The following SAMMSON variants were observed in gnomAD, a reference collection of about 807,000 sequenced individuals.
The protein encoded by SAMMSON is survival associated mitochondrial melanoma specific oncogenic non-coding RNA.
At chr3:70,324,246 C>G (rs1702562121) in intron 7 of SAMMSON, among the ~76,000 whole-genome samples, 1 of 151,858 alleles carries the variant, frequency 6.6e-6, no homozygotes, top group Admixed American at 6.6e-5. Context: ...AGAGAGATCT[C>G]CCAGTGGTTG....
At chr3:70,162,214 A>G (rs1433147698) in intron 4 of SAMMSON, among the ~76,000 whole-genome samples, 1 of 151,776 alleles carries the variant, frequency 6.6e-6, no homozygotes, top group Non-Finnish European at 1.5e-5. Flanking sequence ...CAAGGATCTT[A>G]AGATGTAAGA....
Position 70,125,048 on chromosome 3 carries a change from G to T in SAMMSON, n.507+53483G>T, listed in dbSNP as rs2067450826. ...CCCTTGAAAGATACAGGATTCAAAAGAAACCTTTATTAATTTTTAACACTT... is the reference window on the plus strand; with the variant it reads ...CCCTTGAAAGATACAGGATTCAAAATAAACCTTTATTAATTTTTAACACTT... On this transcript the variant is annotated intron_variant and non_coding_transcript_variant, in intron 4 of 9. Transcript: ENST00000642114. The T allele has an allele frequency of 1.0e-5, 8 of 786,278 alleles. No individual in the cohort carries two copies. In the Admixed American group the frequency reaches 1.5e-4, roughly 14 times the overall value. The allele number at this position is 786,278 out of a possible 1,614,324, so 48.7% of individuals were successfully genotyped here. A position where few individuals can be genotyped will look rare whatever the true frequency, so the allele number is the denominator to read the frequency against.
chr3:70,165,984 C>T lies in SAMMSON; in HGVS notation n.508-83123C>T, dbSNP rs144357875. Among the ~76,000 whole-genome samples the T allele has an allele frequency of 8.2e-4, 124 of 152,108 alleles. 1 individual carries two copies. In the East Asian group the frequency reaches 0.011, roughly 14 times the overall value. ...AATTTAGACAGGACATTTAATTCCT[C>T]TGAGCCTCACTTTCCTCATCTGTAA... On this transcript the variant is annotated intron_variant and non_coding_transcript_variant, in intron 4 of 9. Transcript: ENST00000642114.
chr3:70,131,001 G>A (rs1046439474), intron 4 of SAMMSON, among the ~76,000 whole-genome samples: 1 of 152,166 alleles, frequency 6.6e-6, no homozygotes, highest in Non-Finnish European at 1.5e-5. Context: ...ACTCTGGTCA[G>A]TTAAGAATAA....
intron 4 of SAMMSON, among the ~76,000 whole-genome samples, chr3:70,233,502 C>G (rs1701580444): frequency 6.6e-6 from 1 of 152,148 alleles, no homozygotes; most frequent in South Asian, 2.1e-4. Context: ...AGATATATTA[C>G]ATACAATAAT....
intron 7 of SAMMSON, among the ~76,000 whole-genome samples, chr3:70,338,965 C>T (rs898204908): frequency 9.2e-5 from 14 of 152,138 alleles, no homozygotes; most frequent in African/African-American, 1.4e-4. Context: ...GCCAAAAGAA[C>T]AGAGCTGGAG....
chr3:70,141,410 T>C (rs1021734298), intron 4 of SAMMSON, among the ~76,000 whole-genome samples: 12 of 152,154 alleles, frequency 7.9e-5, no homozygotes, highest in Non-Finnish European at 1.3e-4. Flanking sequence ...AGTTGCCTTT[T>C]CCCCAGCTTT....
chr3:70,356,822 T>C (rs1363213880), intron 8 of SAMMSON, among the ~76,000 whole-genome samples: 1 of 152,164 alleles, frequency 6.6e-6, no homozygotes, highest in East Asian at 1.9e-4. Flanking sequence ...TAGCTACCTT[T>C]ATTGATAATC....
intron 4 of SAMMSON, among the ~76,000 whole-genome samples, chr3:70,221,882 C>T (rs1256228265): frequency 2.6e-5 from 4 of 152,138 alleles, no homozygotes. Flanking sequence ...ATTGGAAAAA[C>T]CGCAATTTGT....
At chr3:70,317,103 C>G (rs1056807273) in intron 7 of SAMMSON, among the ~76,000 whole-genome samples, 1 of 151,898 alleles carries the variant, frequency 6.6e-6, no homozygotes, top group Non-Finnish European at 1.5e-5. Flanking sequence ...AGGTTTATAA[C>G]TATATAATTT....
At chr3:70,283,124 C>G (rs1398390924) in intron 6 of SAMMSON, among the ~76,000 whole-genome samples, 2 of 152,120 alleles carry the variant, frequency 1.3e-5, no homozygotes, top group African/African-American at 4.8e-5. Context: ...CAAGAAAATG[C>G]ATTTATCTTG....
chr3:70,153,919 A>G (rs550200295), intron 4 of SAMMSON, among the ~76,000 whole-genome samples: 23 of 151,448 alleles, frequency 1.5e-4, no homozygotes, highest in Admixed American at 1.5e-3. Flanking sequence ...GAATTTGACT[A>G]CTCTAGGTAC....
At chr3:70,045,084 AT>A (rs1285472744) in intron 3 of SAMMSON, among the ~76,000 whole-genome samples, 26 of 78,680 alleles carry the variant, frequency 3.3e-4, no homozygotes, top group South Asian at 7.5e-4. Context: ...ATTAATATAT[AT>A]AATTAATTAT....
intron 4 of SAMMSON, among the ~76,000 whole-genome samples, chr3:70,141,918 A>G (rs2067529241): frequency 6.6e-6 from 1 of 152,166 alleles, no homozygotes; most frequent in Admixed American, 6.6e-5. Flanking sequence ...TAAAAAAGTA[A>G]ACATACAAAA....
chr3:70,408,425 G>T (rs1701193366), intron 2 of SAMMSON, among the ~76,000 whole-genome samples: 1 of 152,098 alleles, frequency 6.6e-6, no homozygotes, highest in Admixed American at 6.5e-5. Context: ...CAGCACCCAA[G>T]CCACCTCTTT....
intron 4 of SAMMSON, among the ~76,000 whole-genome samples, chr3:70,144,376 T>C (rs1331181572): frequency 6.6e-6 from 1 of 152,070 alleles, no homozygotes; most frequent in Non-Finnish European, 1.5e-5. Context: ...TGCTGGTGTG[T>C]ATATACAAGG....
intron 4 of SAMMSON, among the ~76,000 whole-genome samples, chr3:70,200,430 A>G (rs1003252867): frequency 6.6e-6 from 1 of 152,140 alleles, no homozygotes; most frequent in South Asian, 2.1e-4. Context: ...CACACTGACT[A>G]AATTGCAGTA....
At chr3:70,401,173 G>A (rs1403009588) in intron 2 of SAMMSON, among the ~76,000 whole-genome samples, 2 of 151,842 alleles carry the variant, frequency 1.3e-5, no homozygotes, top group Non-Finnish European at 2.9e-5. Context: ...TTTTCTCATG[G>A]ACAAAGGTTT....
At chr3:70,327,016 A>C (rs1308145184) in intron 7 of SAMMSON, among the ~76,000 whole-genome samples, 4 of 152,090 alleles carry the variant, frequency 2.6e-5, no homozygotes, top group African/African-American at 9.7e-5. Context: ...GTGCCACCAC[A>C]CCTGGCTAAT....
Sources: allele counts gnomAD v4.1 joint callset (sites outside exome capture counted in the v4.1 genomes callset), GRCh38; gene constraint gnomAD v4.1.1; transcripts MANE v1.5; gene names NCBI Gene and HGNC (gene_info 2026-07-23, HGNC 2026-07-21).